GTPBP6: variants seen among roughly 807,000 people sequenced by gnomAD.
GTPBP6 encodes GTP binding protein 6.
In GTPBP6, 33 loss-of-function variants were observed where a neutral mutation model predicts 28.9. The observed-to-expected ratio is 1.14, with a 90% confidence interval of 0.87 to 1.53. The LOEUF (loss-of-function observed/expected upper bound fraction) is 1.53, where lower values mean the gene tolerates loss of function less well. Ranked by LOEUF, GTPBP6 falls within the 40% of genes most tolerant of loss-of-function variation. GTPBP6 has a pLI of 0.00. For missense variants in GTPBP6, 507 were observed against 408.3 expected, an observed-to-expected ratio of 1.24 and a Z score of -2.08; for synonymous variants, 231 against 192.7, an observed-to-expected ratio of 1.20 and a Z score of -1.65.
At chrX:311,936 G>A in intron 6 of GTPBP6, 1 of 578,610 alleles carries the variant, frequency 1.7e-6, no homozygotes, top group South Asian at 1.9e-5. Context: ...TGGCGTAGAT[G>A]GTGGGATGGT....
At chrX:306,230 G>A (rs972290328) in intron 9 of GTPBP6, among the ~76,000 whole-genome samples, 1 of 148,784 alleles carries the variant, frequency 6.7e-6, no homozygotes, top group Admixed American at 6.6e-5. Context: ...GCGCAGATTA[G>A]GCACCTGTTG....
At chrX:315,447 G>A (rs1160254488) in intron 2 of GTPBP6, 148 bp from the exon 3 acceptor site, 196 of 397,954 alleles carry the variant, frequency 4.9e-4, no homozygotes, top group African/African-American at 3.8e-3. Flanking sequence ...CGGGATCCAG[G>A]AAGTCAGCGT....
At chrX:313,583 T>A (rs1380499324) in intron 5 of GTPBP6, among the ~76,000 whole-genome samples, 2 of 152,152 alleles carry the variant, frequency 1.3e-5, no homozygotes, top group African/African-American at 2.4e-5. Context: ...AAATAAGGTG[T>A]TTGTCATAAC....
exon 9 of GTPBP6, chrX:307,419 C>A: frequency 6.2e-7 from 1 of 1,612,408 alleles, no homozygotes; most frequent in Non-Finnish European, 8.5e-7. Context: ...CCGTCGCCTT[C>A]AAAACCGCCG....
Position 307,523 on chromosome X carries a change from G to A in GTPBP6, c.1275-11C>T. The A allele has an allele frequency of 6.2e-7, 1 of 1,610,084 alleles. No homozygotes were observed. The highest frequency in any genetic ancestry group is 1.1e-5 in the South Asian group (1 of 90,918). On this transcript the variant is annotated splice_polypyrimidine_tract_variant and intron_variant, in intron 8 of 9. Transcript: ENST00000326153. ...TCCGTGGGGCTGTACCTGCAAGGGT[G>A]GGGATGTCACAGGCCCCGCTCAGCG...
intron 8 of GTPBP6, 40 bp downstream of exon 8, chrX:307,692 A>G: frequency 1.4e-6 from 2 of 1,457,120 alleles, no homozygotes; most frequent in Non-Finnish European, 1.8e-6. Context: ...CAGCGCGTGC[A>G]GGGGAAGGAG....
intron 9 of GTPBP6, among the ~76,000 whole-genome samples, chrX:305,606 C>T (rs1421165703): frequency 1.4e-5 from 2 of 147,416 alleles, no homozygotes; most frequent in Admixed American, 6.7e-5. Context: ...CAGGCATGAG[C>T]CACTGCGCCC....
chrX:311,752 C>G, intron 6 of GTPBP6, 125 bp from the exon 7 acceptor site: 1 of 773,834 alleles, frequency 1.3e-6, no homozygotes, highest in South Asian at 1.5e-5. Context: ...GCTACACGGT[C>G]CCTGAGCTCC....
At chrX:309,762 G>C (rs1171066533) in intron 7 of GTPBP6, among the ~76,000 whole-genome samples, 1 of 134,534 alleles carries the variant, frequency 7.4e-6, no homozygotes, top group East Asian at 2.4e-4. Flanking sequence ...GAAGTGAACT[G>C]AACTGTGGCC....
rs771930851 is a variant in GTPBP6, at chrX:312,692, C to G, written c.916+74G>C. 8.9e-6 allele frequency: 13 copies of G among 1,465,122 alleles called. No homozygotes were observed. The East Asian group carries it at 2.8e-4, about 32-fold the overall frequency. The allele number at this position is 1,465,122 out of a possible 1,614,324, so 90.8% of individuals were successfully genotyped here. A position where few individuals can be genotyped will look rare whatever the true frequency, so the allele number is the denominator to read the frequency against. ...GCACCACTGAGACGACAGGGACCCC[C>G]TGCCCTCCCCCGGGCGAGTCCTCAC... On this transcript the variant is annotated intron_variant, in intron 6 of 9. Transcript: ENST00000326153.
At chrX:315,624 GAC>G (rs2070419074) in intron 2 of GTPBP6, among the ~76,000 whole-genome samples, 1 of 15,282 alleles carries the variant, frequency 6.5e-5, no homozygotes, top group Non-Finnish European at 1.7e-4. Context: ...CAGACACACA[GAC>G]AGACACACAG....
chrX:318,000 C>T (rs1278753291), intron 1 of GTPBP6, among the ~76,000 whole-genome samples: 2 of 130,178 alleles, frequency 1.5e-5, no homozygotes, highest in Non-Finnish European at 3.3e-5. Flanking sequence ...CGCCCCTCAG[C>T]GCCACGCCCT....
intron 9 of GTPBP6, 53 bp from the exon 10 acceptor site, chrX:305,250 T>C (rs2070131971): frequency 7.5e-7 from 1 of 1,335,184 alleles, no homozygotes; most frequent in South Asian, 1.2e-5. Context: ...AAGTATTTGC[T>C]TAGTTTCATG....
exon 1 of GTPBP6, chrX:318,471 T>C (rs1487708103): frequency 7.5e-5 from 29 of 388,218 alleles, no homozygotes; most frequent in Admixed American, 2.2e-4. Flanking sequence ...CGGGCCCCAC[T>C]TGACGTCAGG....
At chrX:315,512 G>A (rs1416501271) in intron 2 of GTPBP6, among the ~76,000 whole-genome samples, 5 of 138,830 alleles carry the variant, frequency 3.6e-5, no homozygotes, top group Admixed American at 3.6e-4. Flanking sequence ...CATGCATACG[G>A]TGAACACATC....
chrX:315,255 C>T (rs2070408039), exon 3 of GTPBP6: 6 of 398,490 alleles, frequency 1.5e-5, no homozygotes, highest in Non-Finnish European at 2.7e-5. Flanking sequence ...ATCCTCTCCA[C>T]GTTCAGGAAG....
exon 9 of GTPBP6, chrX:307,511 A>G (rs1468788696): frequency 6.2e-7 from 1 of 1,610,744 alleles, no homozygotes; most frequent in Admixed American, 1.7e-5. Flanking sequence ...GTGGGGCTGT[A>G]CCTGCAAGGG....
intron 2 of GTPBP6, among the ~76,000 whole-genome samples, chrX:316,552 T>C (rs2124477804): frequency 6.6e-6 from 1 of 152,222 alleles, no homozygotes; most frequent in Non-Finnish European, 1.5e-5. Context: ...GACCCCACCC[T>C]AAGAGACTGC....
Position 311,195 on chromosome X carries a change from G to GGCCGAAGGCCCGGCCCC in GTPBP6, c.1125+223_1125+224insGGGGCCGGGCCTTCGGC, listed in dbSNP as rs1296783124. ...TGTTCCGGCCCCGAGTTGGGTGGGT[G>GGCCGAAGGCCCGGCCCC]TCTGAGGGCCCGGCCCCTGGCTTTG... On this transcript the variant is annotated intron_variant, in intron 7 of 9. Coordinates refer to ENST00000326153, the Ensembl canonical transcript of GTPBP6. 4.8e-4 allele frequency among the ~76,000 whole-genome samples: 72 copies of GGCCGAAGGCCCGGCCCC among 149,710 alleles called. 1 individual carries two copies. Among genetic ancestry groups the GGCCGAAGGCCCGGCCCC allele is most frequent in the African/African-American group, 1.7e-3 (67 of 40,584 alleles).
Sources: allele counts gnomAD v4.1 joint callset (sites outside exome capture counted in the v4.1 genomes callset), GRCh38; gene constraint gnomAD v4.1.1; transcripts MANE v1.5; gene names NCBI Gene and HGNC (gene_info 2026-07-23, HGNC 2026-07-21).